The following LRRC4C variants were observed in gnomAD, a reference collection of about 807,000 sequenced individuals.
LRRC4C encodes leucine rich repeat containing 4C.
Under a neutral mutation model 33.6 loss-of-function variants are expected in LRRC4C, and 5 were observed. The ratio of observed to expected loss-of-function variants is 0.15; its 90% CI spans 0.08 to 0.31. The LOEUF (loss-of-function observed/expected upper bound fraction) is 0.31. Ranked by LOEUF, LRRC4C falls within the 10% of genes least tolerant of loss-of-function variation. The pLI, the probability that LRRC4C is intolerant of heterozygous loss-of-function variation, is 1.00. For missense variants in LRRC4C, 560 were observed against 796.7 expected (o/e 0.70, Z 3.58); for synonymous variants, 329 against 302.0 (o/e 1.09, Z -0.93).
rs77534452 is a variant in LRRC4C, at chr11:40,359,311, C to T, written c.-269-39590G>A. Among the ~76,000 whole-genome samples, 493 of 152,244 alleles carry T rather than the reference C, an allele frequency of 3.2e-3. 2 individuals are homozygous for T. The highest frequency in any genetic ancestry group is 5.0e-3 in the Admixed American group (76 of 15,278). On this transcript the variant is annotated intron_variant, in intron 3 of 6. Coordinates refer to ENST00000528697, the MANE Select transcript of LRRC4C (RefSeq NM_001258419.2). ...AAAGCCTCTGCTCTGGGGAACAGATCCAGGTGGTAGAAGTGCATGTCATAT... is the reference window on the plus strand; with the variant it reads ...AAAGCCTCTGCTCTGGGGAACAGATTCAGGTGGTAGAAGTGCATGTCATAT...
intron 1 of LRRC4C, among the ~76,000 whole-genome samples, chr11:41,152,660 A>C (rs1397889322): frequency 2.0e-5 from 3 of 152,326 alleles, no homozygotes; most frequent in African/African-American, 7.2e-5. Flanking sequence ...AAATATGAGA[A>C]AGAATATTTC....
At position 40,777,884 on chromosome 11, in the gene LRRC4C, T is replaced by C. The variant is rs1950071122; in HGVS notation, c.-406-129606A>G. On this transcript the variant is annotated intron_variant, in intron 2 of 6. Transcript: ENST00000528697. ...TTTGTATTATTAATAGAGACAGTGTTTCACCATGTTAGCCAGGATGGTCTC... is the reference window on the plus strand; with the variant it reads ...TTTGTATTATTAATAGAGACAGTGTCTCACCATGTTAGCCAGGATGGTCTC... 2.6e-5 allele frequency among the ~76,000 whole-genome samples: 4 copies of C among 152,090 alleles called. No homozygotes were observed. In the South Asian group the frequency reaches 8.3e-4, roughly 32 times the overall value.
intron 1 of LRRC4C, among the ~76,000 whole-genome samples, chr11:41,216,355 A>G (rs528717946): frequency 6.6e-6 from 1 of 152,282 alleles, no homozygotes; most frequent in South Asian, 2.1e-4. Context: ...AAGAAAAACG[A>G]CATTGAGATA....
At chr11:40,295,423 T>G in intron 4 of LRRC4C, among the ~76,000 whole-genome samples, 1 of 152,204 alleles carries the variant, frequency 6.6e-6, no homozygotes, top group East Asian at 1.9e-4. Flanking sequence ...GAGAACAGAA[T>G]ATGTACTTGG....
At chr11:40,829,420 T>C (rs1320838643) in intron 2 of LRRC4C, among the ~76,000 whole-genome samples, 1 of 151,942 alleles carries the variant, frequency 6.6e-6, no homozygotes, top group African/African-American at 2.4e-5. Context: ...CAGAGCAACA[T>C]ATGGTTACAG....
intron 4 of LRRC4C, among the ~76,000 whole-genome samples, chr11:40,270,225 C>T (rs373288352): frequency 1.3e-5 from 2 of 152,286 alleles, no homozygotes; most frequent in African/African-American, 4.8e-5. Context: ...CAAAATATCA[C>T]CATCTGAGTG....
chr11:40,203,811 T>C (rs1343415675), intron 5 of LRRC4C, among the ~76,000 whole-genome samples: 1 of 152,234 alleles, frequency 6.6e-6, no homozygotes, highest in Non-Finnish European at 1.5e-5. Context: ...AAGCACTGAC[T>C]GGATAAATAT....
At chr11:41,153,080 C>G (rs917577081) in intron 1 of LRRC4C, among the ~76,000 whole-genome samples, 2 of 152,244 alleles carry the variant, frequency 1.3e-5, no homozygotes, top group East Asian at 1.9e-4. Context: ...TTCCTAAGCC[C>G]TTAATTCTTA....
intron 2 of LRRC4C, 117 bp downstream of exon 2, chr11:40,933,518 T>C (rs1957730532): frequency 6.6e-6 from 1 of 152,262 alleles, no homozygotes; most frequent in Admixed American, 6.5e-5. Context: ...TCCAGCTTAT[T>C]TGGCCACTCT....
intron 2 of LRRC4C, among the ~76,000 whole-genome samples, chr11:40,693,094 C>T (rs1382810831): frequency 2.0e-5 from 3 of 151,964 alleles, no homozygotes; most frequent in Non-Finnish European, 2.9e-5. Flanking sequence ...TGCAATGTAT[C>T]GTGATTCTGG....
chr11:41,030,204 C>A lies in LRRC4C; in HGVS notation c.-495-96481G>T, dbSNP rs187808235. On this transcript the variant is annotated intron_variant, in intron 1 of 6. Coordinates refer to ENST00000528697, the MANE Select transcript of LRRC4C (RefSeq NM_001258419.2). Reference sequence around the variant, plus strand: ...ATATGAAAAACAGCAGTGAAAAAGGCAGAGCTGTGCAGAAAACAATGGGAC... The same window carrying A: ...ATATGAAAAACAGCAGTGAAAAAGGAAGAGCTGTGCAGAAAACAATGGGAC... Among the ~76,000 whole-genome samples the A allele has an allele frequency of 7.2e-5, 11 of 151,922 alleles. No individual in the cohort carries two copies. In the East Asian group the frequency reaches 2.1e-3, roughly 29 times the overall value.
chr11:40,933,877 T>G (rs545334670), intron 1 of LRRC4C, among the ~76,000 whole-genome samples, 154 bp from the exon 2 acceptor site: 1 of 152,356 alleles, frequency 6.6e-6, no homozygotes, highest in South Asian at 2.1e-4. Context: ...TGTATATTCA[T>G]TTTATAATAT....
chr11:40,331,099 G>A (rs1946342520), intron 3 of LRRC4C, among the ~76,000 whole-genome samples: 1 of 152,144 alleles, frequency 6.6e-6, no homozygotes, highest in African/African-American at 2.4e-5. Context: ...CCCAGTTAGA[G>A]TGACTATTAT....
At chr11:41,449,828 G>C (rs1467991088) in intron 1 of LRRC4C, among the ~76,000 whole-genome samples, 1 of 151,044 alleles carries the variant, frequency 6.6e-6, no homozygotes, top group African/African-American at 2.4e-5. Flanking sequence ...AAGTAGAGCT[G>C]ACTCTCTTCA....
At chr11:40,854,129 A>C (rs1341393428) in intron 2 of LRRC4C, among the ~76,000 whole-genome samples, 1 of 152,192 alleles carries the variant, frequency 6.6e-6, no homozygotes, top group Non-Finnish European at 1.5e-5. Flanking sequence ...GAAATGGGTA[A>C]AGAATAGCCA....
intron 1 of LRRC4C, among the ~76,000 whole-genome samples, chr11:41,107,261 C>A (rs1333777572): frequency 6.6e-6 from 1 of 151,950 alleles, no homozygotes; most frequent in African/African-American, 2.4e-5. Flanking sequence ...TTAATAAACA[C>A]CTTCTAATGC....
At chr11:41,295,472 G>C (rs1335608362) in intron 1 of LRRC4C, among the ~76,000 whole-genome samples, 2 of 152,124 alleles carry the variant, frequency 1.3e-5, no homozygotes, top group Non-Finnish European at 2.9e-5. Flanking sequence ...TTAGTTGTGG[G>C]GTTTTAGATG....
chr11:40,483,914 CA>C (rs1266544991), intron 3 of LRRC4C, among the ~76,000 whole-genome samples: 1 of 151,182 alleles, frequency 6.6e-6, no homozygotes, highest in African/African-American at 2.4e-5. Context: ...TTCCAGAAAA[CA>C]AAAAAAGACA....
intron 2 of LRRC4C, among the ~76,000 whole-genome samples, chr11:40,752,705 C>A (rs547543166): frequency 1.3e-4 from 20 of 151,950 alleles, no homozygotes; most frequent in African/African-American, 3.1e-4. Flanking sequence ...CTATAAAAAA[C>A]GGAATAGAGA....
Sources: gnomAD v4.1 joint callset for allele counts (sites outside exome capture counted in the v4.1 genomes callset) on GRCh38, gnomAD v4.1.1 for gene constraint, MANE v1.5 for transcripts, NCBI Gene and HGNC (gene_info 2026-07-23, HGNC 2026-07-21) for gene names.